TMEM71: variants seen among roughly 807,000 people sequenced by gnomAD.
TMEM71 encodes the protein transmembrane protein 71.
TMEM71 carries 44 observed loss-of-function variants against 38.0 expected under a neutral mutation model. The observed-to-expected ratio is 1.16, with a 90% CI of 0.91 to 1.49. The LOEUF (loss-of-function observed/expected upper bound fraction) is 1.49, where lower values mean the gene tolerates loss of function less well. TMEM71 is among the 40% of genes most tolerant of loss of function. TMEM71 has a pLI of 0.00. For missense variants in TMEM71, 367 were observed against 348.6 expected, an observed-to-expected ratio of 1.05 and a Z score of -0.42; for synonymous variants, 133 against 122.5, an observed-to-expected ratio of 1.09 and a Z score of -0.56.
intron 5 of TMEM71, among the ~76,000 whole-genome samples, chr8:132,737,858 A>G (rs1389520800): frequency 6.6e-6 from 1 of 152,112 alleles, no homozygotes; most frequent in Non-Finnish European, 1.5e-5. Flanking sequence ...TGCTTCTCAG[A>G]TTGGCTTATG....
chr8:132,727,814 A>C lies in TMEM71; in HGVS notation c.660T>G (p.Asn220Lys), dbSNP rs767846120. The change falls in exon 6 of 10, where the codon AAT becomes AAG. Residue 220 changes from asparagine to lysine, a missense_variant. Asn to Lys is a moderately conservative substitution (Grantham distance 94). Transcript: ENST00000677595. Reference protein sequence around the residue: ...QLTASERFQENSSDHSETRLL... With the variant: ...QLTASERFQEKSSDHSETRLL... The stretch of plus-strand genomic sequence containing the variant: ...TGAACTCACCTGAATGATCCGAACT[A>C]TTCTCTTGGAAACGTTCAGAAGCTG... 1.9e-6 allele frequency: 3 copies of C among 1,611,662 alleles called. No individual in the cohort carries two copies. In the South Asian group the frequency reaches 3.3e-5, roughly 18 times the overall value.
At chr8:132,726,851 C>CTTTTTTT (rs766951516) in intron 6 of TMEM71, among the ~76,000 whole-genome samples, 14 of 147,946 alleles carry the variant, frequency 9.5e-5, no homozygotes, top group African/African-American at 3.3e-4. Context: ...TCTTCTTCTT[C>CTTTTTTT]TTCTTTTTTT....
chr8:132,765,661 A>G (rs141666586), upstream of TMEM71, among the ~76,000 whole-genome samples: 41 of 152,254 alleles, frequency 2.7e-4, no homozygotes, highest in East Asian at 7.2e-3. Context: ...CTCGCTTACC[A>G]GTGTCCATAA....
upstream of TMEM71, among the ~76,000 whole-genome samples, chr8:132,762,479 C>CTT (rs1276128872): frequency 2.0e-5 from 3 of 146,496 alleles, no homozygotes; most frequent in African/African-American, 2.5e-5. Flanking sequence ...CTTTGGTCTA[C>CTT]TTTTTTTTTT....
At chr8:132,734,390 G>C (rs1827632262) in intron 5 of TMEM71, among the ~76,000 whole-genome samples, 1 of 152,164 alleles carries the variant, frequency 6.6e-6, no homozygotes, top group Admixed American at 6.5e-5. Flanking sequence ...AATCAATGTG[G>C]AAGTGAGAAA....
chr8:132,760,093 G>C (rs578102727), intron 1 of TMEM71, among the ~76,000 whole-genome samples: 36 of 152,006 alleles, frequency 2.4e-4, no homozygotes, highest in African/African-American at 8.0e-4. Context: ...TATAAATCCT[G>C]CAGCAAAAGA....
At chr8:132,767,529 C>T in the TMEM71 span, among the ~76,000 whole-genome samples, 2 of 149,032 alleles carry the variant, frequency 1.3e-5, no homozygotes, top group South Asian at 4.2e-4. Context: ...GGCTGGAGTG[C>T]AGTGGCACGA....
chr8:132,746,842 T>C, intron 5 of TMEM71, 100 bp downstream of exon 5: 1 of 967,142 alleles, frequency 1.0e-6, no homozygotes, highest in Non-Finnish European at 1.5e-6. Context: ...TCCATCAAAA[T>C]GACTGTCATC....
chr8:132,729,959 ATT>A (rs71930737), intron 5 of TMEM71, among the ~76,000 whole-genome samples: 40 of 144,300 alleles, frequency 2.8e-4, no homozygotes, highest in East Asian at 1.8e-3. Context: ...TTTCAGTTAA[ATT>A]TTTTTTTTTT....
At chr8:132,749,365 TGG>T (rs1222977277) in intron 4 of TMEM71, among the ~76,000 whole-genome samples, 6 of 152,342 alleles carry the variant, frequency 3.9e-5, no homozygotes, top group African/African-American at 1.4e-4. Context: ...TTCACATTTG[TGG>T]TGGAAACAAT....
At chr8:132,749,757 T>C (rs752694260) in intron 4 of TMEM71, among the ~76,000 whole-genome samples, 3 of 152,138 alleles carry the variant, frequency 2.0e-5, no homozygotes, top group Non-Finnish European at 4.4e-5. Context: ...GGCTCACACC[T>C]GTAATCCCAG....
upstream of TMEM71, among the ~76,000 whole-genome samples, chr8:132,762,479 CT>C (rs1276128872): frequency 0.048 from 7,047 of 146,106 alleles, 491 homozygotes; most frequent in African/African-American, 0.16. Flanking sequence ...CTTTGGTCTA[CT>C]TTTTTTTTTT....
intron 7 of TMEM71, among the ~76,000 whole-genome samples, chr8:132,717,754 A>G (rs1826610972): frequency 6.6e-6 from 1 of 152,238 alleles, no homozygotes; most frequent in African/African-American, 2.4e-5. Context: ...TATTTAACCA[A>G]GAAAAATGAA....
chr8:132,711,948 A>G (rs1826259488), intron 9 of TMEM71, among the ~76,000 whole-genome samples: 1 of 152,124 alleles, frequency 6.6e-6, no homozygotes, highest in South Asian at 2.1e-4. Flanking sequence ...TCTCGATATT[A>G]ATAACCATAT....
rs181181342 is a variant in TMEM71, at chr8:132,733,389, G to A, written c.488-5403C>T. On this transcript the variant is annotated intron_variant, in intron 5 of 9. Coordinates refer to ENST00000677595, the MANE Select transcript of TMEM71 (RefSeq NM_001382403.1). Reference sequence around the variant, plus strand: ...GTTATAACAGGGTACAGTAACTATAGAGAAAGTGGGTCAGTATTTGCCACC... The same window carrying A: ...GTTATAACAGGGTACAGTAACTATAAAGAAAGTGGGTCAGTATTTGCCACC... Among the ~76,000 whole-genome samples, 4 of 152,296 alleles carry A rather than the reference G, an allele frequency of 2.6e-5. No individual in the cohort carries two copies. In the East Asian group the frequency reaches 7.7e-4, roughly 29 times the overall value.
At chr8:132,761,645 T>C (rs962222002), upstream of TMEM71, among the ~76,000 whole-genome samples, 2 of 152,222 alleles carry the variant, frequency 1.3e-5, no homozygotes, top group African/African-American at 4.8e-5. Flanking sequence ...TCTCTGGAAC[T>C]TCATGTCTAT....
chr8:132,763,007 T>G (rs1266067874), upstream of TMEM71, among the ~76,000 whole-genome samples: 1 of 152,230 alleles, frequency 6.6e-6, no homozygotes, highest in Non-Finnish European at 1.5e-5. Context: ...TCTTCTCTCT[T>G]GAGACCCACT....
At chr8:132,762,448 G>A (rs534189514), upstream of TMEM71, among the ~76,000 whole-genome samples, 7 of 151,386 alleles carry the variant, frequency 4.6e-5, no homozygotes, top group Admixed American at 1.3e-4. Context: ...CCACTTTTCC[G>A]AAGAGCTCAC....
At chr8:132,759,179 T>C in intron 1 of TMEM71, 1 of 275,542 alleles carries the variant, frequency 3.6e-6, no homozygotes. Flanking sequence ...ATTTGGAAAA[T>C]CTAGACTTAA....
Sources: gnomAD v4.1 joint callset for allele counts (sites outside exome capture counted in the v4.1 genomes callset) on GRCh38, gnomAD v4.1.1 for gene constraint, MANE v1.5 for transcripts, NCBI Gene and HGNC (gene_info 2026-07-23, HGNC 2026-07-21) for gene names.